CCDC92: variants seen among roughly 807,000 people sequenced by gnomAD.
The protein encoded by CCDC92 is coiled-coil domain-containing protein 92.
CCDC92 carries 12 observed loss-of-function variants against 24.9 expected under a neutral mutation model. The observed-to-expected ratio is 0.48, with a 90% CI of 0.31 to 0.78. The LOEUF is 0.78. Among genes scored for constraint, CCDC92 ranks in the 30% least tolerant of loss-of-function variants. The pLI, the probability that CCDC92 is intolerant of heterozygous loss-of-function variation, is 0.05. For synonymous variants in CCDC92, 193 were observed against 196.3 expected (o/e 0.98, Z 0.14); for missense variants, 399 against 439.4 (o/e 0.91, Z 0.82).
rs138659670 is a variant in CCDC92, at chr12:123,937,176, T to C, written c.878A>G (p.His293Arg). The change falls in exon 5 of 5, where the codon CAT becomes CGT. Residue 293 changes from histidine (H) to arginine (R), a missense_variant. Coordinates refer to ENST00000238156, the MANE Select transcript of CCDC92 (RefSeq NM_025140.3). This position sits in a 1 kb window ranked among gnomAD's most constrained non-coding sequence, Gnocchi z 8.4. ...CGGCGGGGTGGCGTGGTGGATCCGA[T>C]GTGCCACCCCGACGTGGGCCTTGTG... is the stretch of plus-strand genomic sequence containing the variant. ...KPHKAHVGVAHRIHHATPPQA... is the reference protein window; with the variant it reads ...KPHKAHVGVARRIHHATPPQA... 1 of 1,610,386 alleles carries C rather than the reference T, an allele frequency of 6.2e-7. No homozygotes were observed. The highest frequency in any genetic ancestry group is 8.5e-7 in the Non-Finnish European group (1 of 1,179,746).
chr12:123,955,823 T>TA (rs1371267448), intron 1 of CCDC92, among the ~76,000 whole-genome samples: 9 of 152,164 alleles, frequency 5.9e-5, no homozygotes, highest in Non-Finnish European at 2.9e-5. Flanking sequence ...CTTTATTACT[T>TA]ACAAAAAGTA....
At chr12:123,954,353 GTATTT>G (rs1566166432) in intron 1 of CCDC92, among the ~76,000 whole-genome samples, 1 of 152,266 alleles carries the variant, frequency 6.6e-6, no homozygotes, top group Non-Finnish European at 1.5e-5. Flanking sequence ...TCCTTCATAT[GTATTT>G]TATTTTATTA....
chr12:123,960,538 G>A (rs907848471), intron 1 of CCDC92, among the ~76,000 whole-genome samples: 1 of 152,162 alleles, frequency 6.6e-6, no homozygotes, highest in African/African-American at 2.4e-5. Context: ...TGCTGAGCCT[G>A]TGACATGGCA....
intron 1 of CCDC92, chr12:123,962,651 A>G (rs1956297540): frequency 6.5e-6 from 1 of 153,902 alleles, no homozygotes; most frequent in South Asian, 2.1e-4. Flanking sequence ...GATGGGGAGT[A>G]GAGAGAGGAA....
intron 4 of CCDC92, among the ~76,000 whole-genome samples, chr12:123,939,497 A>G (rs1382625377): frequency 6.6e-6 from 1 of 152,182 alleles, no homozygotes; most frequent in Non-Finnish European, 1.5e-5. Context: ...TGTGTTTTCG[A>G]TATTTTCAGC....
chr12:123,963,656 C>T (rs762869552), intron 1 of CCDC92, among the ~76,000 whole-genome samples: 6 of 152,108 alleles, frequency 3.9e-5, no homozygotes, highest in Non-Finnish European at 5.9e-5. Context: ...GCTAAAGTGA[C>T]CTGAGAAGTG....
rs1326705507 is a variant in CCDC92 at position 123,937,529 on chromosome 12, G to A, written c.525C>T (p.Thr175=). ...AKKKLMSSSG[T]SDASPSGSPV... ...GGCTCCCTGACGGGCTGGCATCTGAGGTCCCGCTGGAGCTCATGAGCTTCT... is the reference window on the plus strand; with the variant it reads ...GGCTCCCTGACGGGCTGGCATCTGAAGTCCCGCTGGAGCTCATGAGCTTCT... Residue 175 remains threonine, a synonymous_variant, in exon 5 of 5, where the codon ACC becomes ACT. Coordinates refer to ENST00000238156, the MANE Select transcript of CCDC92 (RefSeq NM_025140.3). The surrounding 1 kb of genome is among the most constrained non-coding windows in gnomAD (Gnocchi z 8.4). The A allele has an allele frequency of 5.0e-6, 8 of 1,612,236 alleles. No individual in the cohort carries two copies. Among genetic ancestry groups the A allele is most frequent in the Non-Finnish European group, 5.1e-6 (6 of 1,180,032 alleles).
chr12:123,937,240 G>T lies in CCDC92; in HGVS notation c.814C>A (p.Arg272=), dbSNP rs1156260214. 6.2e-7 allele frequency: 1 copy of T among 1,610,708 alleles called. No individual in the cohort carries two copies. The highest frequency in any genetic ancestry group is 8.5e-7 in the Non-Finnish European group (1 of 1,179,636). ...PLVIPPIASD[R]SGEQHSPARE... ...GCCGGGCTGTGCTGCTCGCCGCTTC[G>T]GTCGGAGGCGATGGGGGGGATGACG... is the stretch of plus-strand genomic sequence containing the variant. The change falls in exon 5 of 5, where the codon CGA becomes AGA. Residue 272 remains arginine, a synonymous_variant. Transcript: ENST00000238156. The surrounding 1 kb of genome is among the most constrained non-coding windows in gnomAD (Gnocchi z 8.4).
intron 1 of CCDC92, among the ~76,000 whole-genome samples, chr12:123,958,514 T>G (rs1169559431): frequency 2.0e-5 from 3 of 152,240 alleles, no homozygotes; most frequent in African/African-American, 7.2e-5. Flanking sequence ...AAACTCAGGC[T>G]GTTTGGAACC....
At chr12:123,964,874 ATTAT>A (rs1203809413) in intron 1 of CCDC92, among the ~76,000 whole-genome samples, 1 of 152,234 alleles carries the variant, frequency 6.6e-6, no homozygotes, top group East Asian at 1.9e-4. Context: ...TAACAATTGC[ATTAT>A]TTTTTAATGT....
chr12:123,972,469 C>T (rs1395153020), intron 1 of CCDC92, 60 bp downstream of exon 1: 19 of 151,902 alleles, frequency 1.3e-4, no homozygotes, highest in Non-Finnish European at 4.4e-5. Context: ...GCCCCTCCGC[C>T]CCCGCCGGCG....
intron 4 of CCDC92, among the ~76,000 whole-genome samples, chr12:123,941,115 C>T (rs1955670001): frequency 6.6e-6 from 1 of 152,240 alleles, no homozygotes; most frequent in African/African-American, 2.4e-5. Context: ...TAGCCTGGGC[C>T]AGGAGAGGAC....
At chr12:123,940,447 T>C (rs1475356424) in intron 4 of CCDC92, among the ~76,000 whole-genome samples, 1 of 152,180 alleles carries the variant, frequency 6.6e-6, no homozygotes, top group Non-Finnish European at 1.5e-5. Context: ...GGCTGATGTT[T>C]ACCGGCCCCG....
At chr12:123,967,023 A>AC (rs1214741138) in intron 1 of CCDC92, among the ~76,000 whole-genome samples, 1 of 152,062 alleles carries the variant, frequency 6.6e-6, no homozygotes, top group Non-Finnish European at 1.5e-5. Flanking sequence ...GGCTTTGTTC[A>AC]CCTCTGAACT....
intron 1 of CCDC92, among the ~76,000 whole-genome samples, chr12:123,962,301 A>G (rs893415688): frequency 1.2e-4 from 18 of 152,262 alleles, no homozygotes; most frequent in Non-Finnish European, 2.4e-4. Context: ...GTAAAAATGT[A>G]CAATTGTGTT....
chr12:123,954,253 C>T (rs1037725921), intron 1 of CCDC92, among the ~76,000 whole-genome samples: 5 of 152,148 alleles, frequency 3.3e-5, no homozygotes, highest in South Asian at 4.1e-4. Flanking sequence ...GTAACAATTT[C>T]GTGTCCCAAA....
At chr12:123,938,394 T>G (rs1955589505) in intron 4 of CCDC92, among the ~76,000 whole-genome samples, 2 of 151,788 alleles carry the variant, frequency 1.3e-5, no homozygotes, top group South Asian at 4.2e-4. Context: ...GCTCAGAGAG[T>G]GAGCTGTCTC....
At chr12:123,956,462 G>A (rs897371795) in intron 1 of CCDC92, 5 of 152,122 alleles carry the variant, frequency 3.3e-5, no homozygotes, top group Non-Finnish European at 7.3e-5. Flanking sequence ...GAATAGGTGA[G>A]GCACGCTTAC....
intron 2 of CCDC92, chr12:123,944,009 C>A (rs1215074279): frequency 1.9e-6 from 1 of 514,700 alleles, no homozygotes; most frequent in Non-Finnish European, 3.4e-6. Context: ...GAAAAGCTGG[C>A]ACCTGGGAAA....
Sources: gnomAD v4.1 joint callset for allele counts (sites outside exome capture counted in the v4.1 genomes callset) on GRCh38, gnomAD v4.1.1 for gene constraint, Gnocchi (gnomAD v3.1) non-coding constraint, MANE v1.5 for transcripts, NCBI Gene and HGNC (gene_info 2026-07-23, HGNC 2026-07-21) for gene names.